The following ADAMTS17 variants were observed in gnomAD, a reference collection of about 807,000 sequenced individuals.
ADAMTS17 encodes the protein ADAM metallopeptidase with thrombospondin type 1 motif 17.
Under a neutral mutation model 141.5 loss-of-function variants are expected in ADAMTS17, and 113 were observed. That is an observed-to-expected ratio of 0.80 (90% CI 0.69 to 0.93). ADAMTS17 has a LOEUF of 0.93. Ranked by LOEUF, ADAMTS17 falls within the 40% of genes least tolerant of loss-of-function variation. The pLI is 0.00. For synonymous variants in ADAMTS17, 768 were observed against 630.6 expected, an observed-to-expected ratio of 1.22 and a Z score of -3.27; for missense variants, 1,659 against 1,517.9, an observed-to-expected ratio of 1.09 and a Z score of -1.54.
At chr15:100,278,634 G>A (rs1403619146) in intron 4 of ADAMTS17, among the ~76,000 whole-genome samples, 1 of 152,146 alleles carries the variant, frequency 6.6e-6, no homozygotes, top group East Asian at 1.9e-4. Flanking sequence ...GGGGCATGGC[G>A]GAGATAGAGG....
chr15:100,314,865 G>T (rs2045512280), intron 3 of ADAMTS17, among the ~76,000 whole-genome samples: 1 of 152,182 alleles, frequency 6.6e-6, no homozygotes, highest in South Asian at 2.1e-4. Context: ...GGATCCCAAG[G>T]CAGTGAGAAA....
chr15:100,264,055 T>TAA (rs144053000), intron 4 of ADAMTS17, among the ~76,000 whole-genome samples: 1 of 152,096 alleles, frequency 6.6e-6, no homozygotes, highest in African/African-American at 2.4e-5. Flanking sequence ...TTATTACAGT[T>TAA]AAAAAAAACC....
intron 3 of ADAMTS17, among the ~76,000 whole-genome samples, chr15:100,289,546 ACT>A (rs1189323628): frequency 8.0e-5 from 10 of 124,552 alleles, no homozygotes; most frequent in East Asian, 4.4e-4. Context: ...ACATACACAC[ACT>A]CACACACACA....
At chr15:100,125,403 G>A (rs2037678394) in intron 12 of ADAMTS17, among the ~76,000 whole-genome samples, 1 of 152,180 alleles carries the variant, frequency 6.6e-6, no homozygotes, top group African/African-American at 2.4e-5. Flanking sequence ...CCAGTTACAG[G>A]CACATAACCT....
At chr15:100,167,437 G>A (rs138764851) in intron 8 of ADAMTS17, among the ~76,000 whole-genome samples, 3,192 of 152,176 alleles carry the variant, frequency 0.021, 131 homozygotes, top group East Asian at 0.18. Flanking sequence ...ATGGTCGTGC[G>A]GATGCCGTCA....
At chr15:100,163,507 A>G (rs944722877) in intron 8 of ADAMTS17, among the ~76,000 whole-genome samples, 3 of 152,078 alleles carry the variant, frequency 2.0e-5, no homozygotes, top group Admixed American at 2.0e-4. Flanking sequence ...TAATTAATAG[A>G]CAGGGTCTCA....
intron 7 of ADAMTS17, among the ~76,000 whole-genome samples, chr15:100,199,782 C>A (rs1350733624): frequency 6.6e-6 from 1 of 152,192 alleles, no homozygotes; most frequent in Non-Finnish European, 1.5e-5. Context: ...CGATCCTACG[C>A]CAGATCTGTC....
intron 15 of ADAMTS17, among the ~76,000 whole-genome samples, chr15:100,071,540 C>T (rs2033971496): frequency 6.7e-6 from 1 of 150,170 alleles, no homozygotes; most frequent in African/African-American, 2.5e-5. Flanking sequence ...GAAGCTTACC[C>T]ATCAAAAAGC....
In ADAMTS17 at chr15:100,113,911, G is replaced by C. The variant is rs10083620; in HGVS notation, c.1888+2936C>G. On this transcript the variant is annotated intron_variant, in intron 13 of 21. Transcript: ENST00000268070. Reference sequence around the variant, plus strand: ...TGCCAAGCTCTCCGACACTTCAGTGGGCCCATGGCCTGCTGGCCTGGGCAA... The same window carrying C: ...TGCCAAGCTCTCCGACACTTCAGTGCGCCCATGGCCTGCTGGCCTGGGCAA... Among the ~76,000 whole-genome samples, 706 of 152,328 alleles carry C rather than the reference G, an allele frequency of 4.6e-3. 6 individuals are homozygous for C. The highest frequency in any genetic ancestry group is 0.016 in the African/African-American group (651 of 41,578).
intron 15 of ADAMTS17, among the ~76,000 whole-genome samples, chr15:100,090,362 A>G (rs533942901): frequency 1.3e-5 from 2 of 152,312 alleles, no homozygotes; most frequent in South Asian, 4.1e-4. Context: ...TGTTGTATGG[A>G]AACTTTTGCA....
chr15:100,054,101 G>A (rs368023128), intron 15 of ADAMTS17, 47 bp from the exon 16 acceptor site: 116 of 1,610,194 alleles, frequency 7.2e-5, no homozygotes, highest in African/African-American at 4.9e-4. Context: ...TGGGGGTAGG[G>A]GGATCCAGCC....
rs7496722 is a variant in ADAMTS17, at chr15:100,281,601, G to C, written c.617-200C>G. Among the ~76,000 whole-genome samples the C allele has an allele frequency of 0.51, 78,017 of 151,790 alleles. 20,559 individuals are homozygous for C. The highest frequency in any genetic ancestry group is 0.66 in the South Asian group (3,156 of 4,816). On this transcript the variant is annotated intron_variant, in intron 3 of 21. Coordinates refer to ENST00000268070, the MANE Select transcript of ADAMTS17 (RefSeq NM_139057.4). ...AGGGGGGTGCTGGCCCAAAAGAAGG[G>C]TAACAGCTATGAGGCCAGATGAGGG...
At chr15:100,106,066 G>A (rs2036397729) in intron 14 of ADAMTS17, among the ~76,000 whole-genome samples, 2 of 152,012 alleles carry the variant, frequency 1.3e-5, no homozygotes, top group East Asian at 1.9e-4. Context: ...GCAAAATCTC[G>A]ATTCACTGCA....
rs538860434 is a variant in ADAMTS17 at position 100,083,137 on chromosome 15, C to T, written c.2137+13219G>A. ...ATGTAAGTGAAAATGAGGTGTGTCG[C>T]TTCCCCGCAGGAGCCTGAAGCACCT... On this transcript the variant is annotated intron_variant, in intron 15 of 21. Transcript: ENST00000268070. Among the ~76,000 whole-genome samples the T allele has an allele frequency of 1.3e-4, 20 of 152,282 alleles. No homozygotes were observed. In the South Asian group the frequency reaches 3.3e-3, roughly 25 times the overall value.
intron 1 of ADAMTS17, 44 bp downstream of exon 1, chr15:100,341,777 G>T: frequency 6.5e-7 from 1 of 1,539,828 alleles, no homozygotes; most frequent in South Asian, 1.2e-5. Context: ...AGGGAAGGTA[G>T]CCGCAGGACG....
chr15:100,221,823 C>A (rs2042142269), intron 7 of ADAMTS17, among the ~76,000 whole-genome samples: 1 of 152,192 alleles, frequency 6.6e-6, no homozygotes, highest in South Asian at 2.1e-4. Flanking sequence ...CTTAACAGGG[C>A]CTGAAATAAG....
chr15:100,315,947 C>G (rs1272568785), intron 3 of ADAMTS17, among the ~76,000 whole-genome samples: 1 of 152,222 alleles, frequency 6.6e-6, no homozygotes, highest in African/African-American at 2.4e-5. Flanking sequence ...AAGAGGCTCA[C>G]TTTGGCCAAG....
intron 8 of ADAMTS17, among the ~76,000 whole-genome samples, chr15:100,195,470 T>C (rs1465724960): frequency 6.6e-6 from 1 of 152,186 alleles, no homozygotes; most frequent in Non-Finnish European, 1.5e-5. Context: ...TATGTATTAA[T>C]ATGTAAATGG....
chr15:100,177,791 A>T (rs956134529), intron 8 of ADAMTS17, among the ~76,000 whole-genome samples: 2 of 152,140 alleles, frequency 1.3e-5, no homozygotes, highest in East Asian at 1.9e-4. Context: ...GGATTCATCT[A>T]CTTTTTCTCT....
Sources: gnomAD v4.1 joint callset for allele counts (sites outside exome capture counted in the v4.1 genomes callset) on GRCh38, gnomAD v4.1.1 for gene constraint, MANE v1.5 for transcripts, NCBI Gene and HGNC (gene_info 2026-07-23, HGNC 2026-07-21) for gene names.